SUPT3H: variants seen among roughly 807,000 people sequenced by gnomAD.
The protein encoded by SUPT3H is SPT3 homolog, SAGA and STAGA complex component.
Under a neutral mutation model 44.3 loss-of-function variants are expected in SUPT3H, and 44 were observed. The ratio of observed to expected loss-of-function variants is 0.99; its 90% CI spans 0.78 to 1.28. The LOEUF is 1.28. Ranked by LOEUF, SUPT3H falls within the 50% of genes most tolerant of loss-of-function variation. The pLI is 0.00. For synonymous variants in SUPT3H, 124 were observed against 125.6 expected (o/e 0.99, Z 0.09); for missense variants, 380 against 387.1 (o/e 0.98, Z 0.15).
intron 1 of SUPT3H, among the ~76,000 whole-genome samples, chr6:45,371,290 A>T (rs1199988068): frequency 1.3e-5 from 2 of 152,182 alleles, no homozygotes; most frequent in African/African-American, 2.4e-5. Context: ...GTTTAAAAAC[A>T]GTTTATGTGA....
intron 2 of SUPT3H, among the ~76,000 whole-genome samples, chr6:45,130,189 C>G (rs887618379): frequency 2.0e-5 from 3 of 152,202 alleles, no homozygotes; most frequent in African/African-American, 7.2e-5. Flanking sequence ...TTCTCACCCC[C>G]TCTCTCAGCA....
rs574234211 is a variant in SUPT3H at position 45,038,092 on chromosome 6, T to TA, written c.187-17461dup. On this transcript the variant is annotated intron_variant, in intron 3 of 10. Coordinates refer to ENST00000371459, the MANE Select transcript of SUPT3H (RefSeq NM_003599.4). ...GATGGGAAGGAATCCACAGTCTTGT[T>TA]AGAGTCTTGACGACATCCATGACAA... 3.9e-5 allele frequency among the ~76,000 whole-genome samples: 6 copies of TA among 152,296 alleles called. No homozygotes were observed. In the South Asian group the frequency reaches 1.0e-3, roughly 26 times the overall value.
intron 2 of SUPT3H, among the ~76,000 whole-genome samples, chr6:45,337,894 T>C (rs1285670190): frequency 6.6e-6 from 1 of 152,130 alleles, no homozygotes; most frequent in South Asian, 2.1e-4. Flanking sequence ...AAAAAGTATA[T>C]TTAAGTAAAT....
chr6:45,356,280 A>AT (rs1199673240), intron 2 of SUPT3H, among the ~76,000 whole-genome samples: 14 of 152,232 alleles, frequency 9.2e-5, no homozygotes, highest in Non-Finnish European at 1.3e-4. Flanking sequence ...TGGCATACTC[A>AT]TTTGAATATA....
intron 10 of SUPT3H, among the ~76,000 whole-genome samples, chr6:44,885,046 G>A (rs1031228203): frequency 7.2e-5 from 11 of 152,174 alleles, no homozygotes; most frequent in Non-Finnish European, 1.5e-4. Context: ...ACTGCAAGGC[G>A]GCAGTGAGGC....
intron 6 of SUPT3H, among the ~76,000 whole-genome samples, chr6:44,987,037 G>T (rs1484936754): frequency 6.6e-6 from 1 of 152,108 alleles, no homozygotes; most frequent in Non-Finnish European, 1.5e-5. Flanking sequence ...GAAGGCTAGA[G>T]GTTCAACATC....
chr6:45,224,683 CAGG>C (rs918253662), intron 2 of SUPT3H, among the ~76,000 whole-genome samples: 1 of 151,368 alleles, frequency 6.6e-6, no homozygotes, highest in Admixed American at 6.6e-5. Flanking sequence ...GAGGCTGAGG[CAGG>C]AGAATTGCTT....
At chr6:45,211,357 G>T (rs1033576531) in intron 2 of SUPT3H, among the ~76,000 whole-genome samples, 3 of 151,858 alleles carry the variant, frequency 2.0e-5, no homozygotes, top group Non-Finnish European at 4.4e-5. Context: ...TTTTTATACT[G>T]TAAAGTTTAT....
chr6:45,255,856 G>A (rs547385905), intron 2 of SUPT3H, among the ~76,000 whole-genome samples: 1 of 152,226 alleles, frequency 6.6e-6, no homozygotes, highest in Non-Finnish European at 1.5e-5. Context: ...TCAATTTGAG[G>A]ACATTTTTAT....
intron 2 of SUPT3H, among the ~76,000 whole-genome samples, chr6:45,174,685 C>T (rs1307995051): frequency 3.3e-5 from 5 of 152,118 alleles, no homozygotes. Flanking sequence ...TATTTTAGAG[C>T]AACATCTATA....
chr6:44,834,895 G>T (rs1769530543), intron 10 of SUPT3H, among the ~76,000 whole-genome samples: 1 of 152,102 alleles, frequency 6.6e-6, no homozygotes, highest in Admixed American at 6.6e-5. Flanking sequence ...GGGGAAGGAA[G>T]GAACACAACT....
chr6:44,980,916 C>T (rs1582881518), intron 6 of SUPT3H, among the ~76,000 whole-genome samples: 2 of 152,150 alleles, frequency 1.3e-5, no homozygotes, highest in South Asian at 2.1e-4. Flanking sequence ...AAGAAGCGCA[C>T]GTCTGAAGAA....
intron 2 of SUPT3H, among the ~76,000 whole-genome samples, chr6:45,279,834 C>T (rs1201264809): frequency 6.6e-6 from 1 of 152,200 alleles, no homozygotes; most frequent in Admixed American, 6.5e-5. Context: ...TCTCTCCAGA[C>T]TCACATCCAA....
intron 2 of SUPT3H, among the ~76,000 whole-genome samples, chr6:45,180,787 C>G (rs1319733829): frequency 6.6e-6 from 1 of 152,012 alleles, no homozygotes; most frequent in East Asian, 1.9e-4. Context: ...CTAGGCAATA[C>G]CATTCAGGAC....
chr6:45,321,620 C>A (rs1307149345), intron 2 of SUPT3H, among the ~76,000 whole-genome samples: 3 of 152,100 alleles, frequency 2.0e-5, no homozygotes, highest in Admixed American at 6.6e-5. Flanking sequence ...TAAAAGTGAA[C>A]TATGCAGCTC....
intron 10 of SUPT3H, among the ~76,000 whole-genome samples, chr6:44,864,058 C>T (rs575047116): frequency 5.3e-5 from 8 of 152,110 alleles, no homozygotes; most frequent in African/African-American, 1.9e-4. Context: ...CTCCTGCCCC[C>T]TGCCAAATCT....
At chr6:45,219,578 C>A (rs2153634700) in intron 2 of SUPT3H, among the ~76,000 whole-genome samples, 1 of 152,164 alleles carries the variant, frequency 6.6e-6, no homozygotes. Flanking sequence ...CAAAATACAA[C>A]CAGTGTGAAA....
intron 3 of SUPT3H, among the ~76,000 whole-genome samples, chr6:45,055,645 A>C (rs2153538845): frequency 6.6e-6 from 1 of 152,278 alleles, no homozygotes; most frequent in East Asian, 1.9e-4. Context: ...CTGGATCCTT[A>C]TCTCTTACCT....
At position 45,206,487 on chromosome 6, in the gene SUPT3H, T is replaced by C. The variant is rs181389308; in HGVS notation, c.102-100481A>G. 1.2e-4 allele frequency among the ~76,000 whole-genome samples: 18 copies of C among 152,216 alleles called. No individual in the cohort carries two copies. In the East Asian group the frequency reaches 3.5e-3, roughly 29 times the overall value. On this transcript the variant is annotated intron_variant, in intron 2 of 10. Transcript: ENST00000371459. ...AGGACACACAGCCCATCATAAAATATGTGACTTTTACTCTGAATAAAATGA... is the reference window on the plus strand; with the variant it reads ...AGGACACACAGCCCATCATAAAATACGTGACTTTTACTCTGAATAAAATGA...
Sources: allele counts gnomAD v4.1 joint callset (sites outside exome capture counted in the v4.1 genomes callset), GRCh38; gene constraint gnomAD v4.1.1; transcripts MANE v1.5; gene names NCBI Gene and HGNC (gene_info 2026-07-23, HGNC 2026-07-21).